The following IST1 variants were observed in gnomAD, a reference collection of about 807,000 sequenced individuals.
The protein encoded by IST1 is IST1 homolog.
IST1 carries 23 observed loss-of-function variants against 37.0 expected under a neutral mutation model. That is an observed-to-expected ratio of 0.62 (90% CI 0.45 to 0.88). The LOEUF (loss-of-function observed/expected upper bound fraction) is 0.88, where lower values mean the gene tolerates loss of function less well. Ranked by LOEUF, IST1 falls within the 40% of genes least tolerant of loss-of-function variation. The pLI, the probability that IST1 is intolerant of heterozygous loss-of-function variation, is 0.00. For synonymous variants in IST1, 180 were observed against 161.7 expected, an observed-to-expected ratio of 1.11 and a Z score of -0.86; for missense variants, 488 against 445.4, an observed-to-expected ratio of 1.10 and a Z score of -0.86.
At chr16:71,906,106 C>G (rs1043069469) in intron 1 of IST1, among the ~76,000 whole-genome samples, 6 of 150,818 alleles carry the variant, frequency 4.0e-5, no homozygotes, top group African/African-American at 1.5e-4. Flanking sequence ...CAGGTTCAAC[C>G]AATTCTCCTG....
chr16:71,906,299 G>A (rs998062122), intron 1 of IST1, among the ~76,000 whole-genome samples: 11 of 150,712 alleles, frequency 7.3e-5, no homozygotes, highest in African/African-American at 2.4e-4. Flanking sequence ...CACTGCGCCC[G>A]GCCTTTTTGT....
In IST1 at chr16:71,922,970, GAA is replaced by G. The variant is rs1364378453; in HGVS notation, c.759+291_759+292del. The G allele has an allele frequency of 3.0e-5, 15 of 497,504 alleles. 1 individual carries two copies. Among genetic ancestry groups the G allele is most frequent in the Non-Finnish European group, 1.1e-5 (3 of 282,434 alleles). 30.8% of individuals were successfully genotyped at this position (497,504 alleles called of 1,614,324 possible). A position where few individuals can be genotyped will look rare whatever the true frequency, so the allele number is the denominator to read the frequency against. The stretch of plus-strand genomic sequence containing the variant: ...CATACTAGTAGTTTTTTCCACAAAT[GAA>G]TAAACCACCAATTATTACCAGGCAG... On this transcript the variant is annotated intron_variant, in intron 7 of 9. Coordinates refer to ENST00000378799, the MANE Select transcript of IST1 (RefSeq NM_001270975.2).
rs780790570 is a variant in IST1 at position 71,922,656 on chromosome 16, C to T, written c.735C>T (p.Phe245=). Reference sequence around the variant, plus strand: ...CTATGCCATCTGCAAATACGCCTTTCTCATATCCACTGCCAAAGGGACCAG... The same window carrying T: ...CTATGCCATCTGCAAATACGCCTTTTTCATATCCACTGCCAAAGGGACCAG... ...PMPMPSANTP[F]SYPLPKGPSD... Residue 245 remains phenylalanine (F), a synonymous_variant, in exon 7 of 10, where the codon TTC becomes TTT. Coordinates refer to ENST00000378799, the MANE Select transcript of IST1 (RefSeq NM_001270975.2). 1 of 1,610,994 alleles carries T rather than the reference C, an allele frequency of 6.2e-7. No homozygotes were observed. The highest frequency in any genetic ancestry group is 8.5e-7 in the Non-Finnish European group (1 of 1,179,246).
At chr16:71,916,742 G>A in intron 3 of IST1, 100 bp downstream of exon 3, 1 of 997,506 alleles carries the variant, frequency 1.0e-6, no homozygotes, top group Non-Finnish European at 1.5e-6. Flanking sequence ...CATGCCCAAG[G>A]ATCTGCTGCC....
chr16:71,904,917 A>G (rs1388443923), intron 1 of IST1, among the ~76,000 whole-genome samples: 1 of 151,726 alleles, frequency 6.6e-6, no homozygotes, highest in Non-Finnish European at 1.5e-5. Flanking sequence ...TTAGGTCTAC[A>G]TTTTATTATT....
At chr16:71,895,094 C>G (rs2036934321), upstream of IST1, 1 of 386,478 alleles carries the variant, frequency 2.6e-6, no homozygotes, top group African/African-American at 2.1e-5. Context: ...CTCGGCCGCT[C>G]CACCCAGGGG....
intron 1 of IST1, among the ~76,000 whole-genome samples, chr16:71,898,462 T>A: frequency 6.7e-6 from 1 of 148,746 alleles, no homozygotes; most frequent in Admixed American, 6.7e-5. Flanking sequence ...GGTGAACGGA[T>A]CATGTGAGGT....
chr16:71,928,603 A>C lies in IST1; in HGVS notation c.*790A>C, dbSNP rs1489709095. 1.3e-5 allele frequency: 2 copies of C among 152,678 alleles called. No individual in the cohort carries two copies. Among genetic ancestry groups the C allele is most frequent in the African/African-American group, 4.8e-5 (2 of 41,470 alleles). The allele number at this position is 152,678 out of a possible 1,614,324, so 9.5% of individuals were successfully genotyped here. A position where few individuals can be genotyped will look rare whatever the true frequency, so the allele number is the denominator to read the frequency against. On this transcript the variant is annotated 3_prime_UTR_variant, in exon 10 of 10. Transcript: ENST00000378799. ...CAGAGAAAGGACAAGGTGCCATTCA[A>C]GTCCTAGGGTGGGCTTCCAGCTGCC...
chr16:71,906,764 G>A (rs2142541447), intron 1 of IST1, among the ~76,000 whole-genome samples: 1 of 152,108 alleles, frequency 6.6e-6, no homozygotes, highest in South Asian at 2.1e-4. Context: ...TAAAAACGTT[G>A]TTTCGCTTCC....
chr16:71,896,044 C>G (rs1214930621), intron 1 of IST1, among the ~76,000 whole-genome samples: 1 of 152,236 alleles, frequency 6.6e-6, no homozygotes, highest in African/African-American at 2.4e-5. Flanking sequence ...GCCGCTTCCA[C>G]CGGGCGGGGT....
chr16:71,924,752 C>G lies in IST1; in HGVS notation c.853-17C>G. 3.8e-6 allele frequency: 6 copies of G among 1,596,338 alleles called. No homozygotes were observed. The highest frequency in any genetic ancestry group is 2.2e-5 in the East Asian group (1 of 44,808). On this transcript the variant is annotated splice_polypyrimidine_tract_variant and intron_variant, in intron 8 of 9. Transcript: ENST00000378799. ...ACACTATTGCTGTCTCCTCTGGTAA[C>G]AATCTTTGTGTTTCAGGTAGATGAC...
In IST1 at chr16:71,921,378, A is replaced by T; in HGVS notation, c.477A>T (p.Lys159Asn). 1 of 1,613,572 alleles carries T rather than the reference A, an allele frequency of 6.2e-7. No individual in the cohort carries two copies. The highest frequency in any genetic ancestry group is 2.2e-5 in the East Asian group (1 of 44,880). ...AGCTGAGTGTGGAAGCCCCACCCAA[A>T]ATCCTGGTGGAGAGATACCTGATTG... is the stretch of plus-strand genomic sequence containing the variant. The part of the protein sequence containing the change: ...MHKLSVEAPP[K>N]ILVERYLIEI... The change falls in exon 6 of 10, where the codon AAA (lysine) becomes AAT (asparagine). Residue 159 changes from lysine to asparagine, a missense_variant. Lys to Asn is a moderately conservative substitution (Grantham distance 94). Around this residue, in one of 2 missense-constraint regions of IST1, gnomAD observed 455 missense variants for 386.2 expected, o/e 1.18. Coordinates refer to ENST00000378799, the MANE Select transcript of IST1 (RefSeq NM_001270975.2).
At chr16:71,894,571 G>A (rs2036927118), upstream of IST1, 1 of 375,208 alleles carries the variant, frequency 2.7e-6, no homozygotes, top group Admixed American at 4.5e-5. Flanking sequence ...TGTAGCCTAG[G>A]CTGGAGTGCT....
intron 1 of IST1, among the ~76,000 whole-genome samples, chr16:71,912,306 C>T (rs901930258): frequency 6.6e-6 from 1 of 152,126 alleles, no homozygotes; most frequent in African/African-American, 2.4e-5. Context: ...GGCGCGGTCT[C>T]AGCTTACTGC....
At chr16:71,895,153 G>C (rs931311143), upstream of IST1, 4 of 267,424 alleles carry the variant, frequency 1.5e-5, no homozygotes, top group African/African-American at 9.0e-5. Context: ...AACTCCCGGC[G>C]TCAGAGAGGC....
At chr16:71,925,904 G>A (rs1765068346) in intron 9 of IST1, among the ~76,000 whole-genome samples, 1 of 152,184 alleles carries the variant, frequency 6.6e-6, no homozygotes, top group Non-Finnish European at 1.5e-5. Context: ...TTGTACTCCA[G>A]CCTGGGGGAC....
In IST1 at chr16:71,928,894, G is replaced by A. The variant is rs539905097; in HGVS notation, c.*1081G>A. 8 of 152,330 alleles carry A rather than the reference G, an allele frequency of 5.3e-5. No homozygotes were observed. Among genetic ancestry groups the A allele is most frequent in the African/African-American group, 1.4e-4 (6 of 41,572 alleles). The allele number at this position is 152,330 out of a possible 1,614,324, so 9.4% of individuals were successfully genotyped here. Reference sequence around the variant, plus strand: ...TTTGGGATTGGATGATACAGCTTTTGCTTCTGTGTAGTATACCTGTACATA... The same window carrying A: ...TTTGGGATTGGATGATACAGCTTTTACTTCTGTGTAGTATACCTGTACATA... On this transcript the variant is annotated 3_prime_UTR_variant, in exon 10 of 10. Coordinates refer to ENST00000378799, the MANE Select transcript of IST1 (RefSeq NM_001270975.2).
rs1328353074 is a variant in IST1 at position 71,918,257 on chromosome 16, T to A, written c.357+1123T>A. ...AGAAGACTTACACTTAATTCTTCTG[T>A]TGTAAGTATCACTGTTGTCTCCTGT... On this transcript the variant is annotated intron_variant, in intron 4 of 9. Coordinates refer to ENST00000378799, the MANE Select transcript of IST1 (RefSeq NM_001270975.2). 2.0e-5 allele frequency among the ~76,000 whole-genome samples: 3 copies of A among 152,194 alleles called. No individual in the cohort carries two copies. The East Asian group carries it at 5.8e-4, about 29-fold the overall frequency.
chr16:71,930,299 C>A lies in IST1; in HGVS notation c.*2486C>A. On this transcript the variant is annotated 3_prime_UTR_variant, in exon 10 of 10. Coordinates refer to ENST00000378799, the MANE Select transcript of IST1 (RefSeq NM_001270975.2). ...AGAAGAAAAGCTTATCCGAAGGAAA[C>A]TTAGGGAGAGAGTCAAAAGATAATA... 9.4e-7 allele frequency: 1 copy of A among 1,068,036 alleles called. No homozygotes were observed. Among genetic ancestry groups the A allele is most frequent in the Non-Finnish European group, 1.3e-6 (1 of 788,916 alleles). The allele number at this position is 1,068,036 out of a possible 1,614,324, so 66.2% of individuals were successfully genotyped here.
Sources: gnomAD v4.1 joint callset for allele counts (sites outside exome capture counted in the v4.1 genomes callset) on GRCh38, gnomAD v4.1.1 for gene constraint, gnomAD v4.1.1 regional missense constraint, MANE v1.5 for transcripts, NCBI Gene and HGNC (gene_info 2026-07-23, HGNC 2026-07-21) for gene names.